The following CDH13 variants were observed in gnomAD, a reference collection of about 807,000 sequenced individuals.
CDH13 encodes cadherin-13.
CDH13 carries 24 observed loss-of-function variants against 63.8 expected under a neutral mutation model. That is an observed-to-expected ratio of 0.38 (90% CI 0.27 to 0.53). CDH13 has a LOEUF of 0.53. CDH13 is among the 20% of genes least tolerant of loss of function. CDH13 has a pLI of 0.85. For synonymous variants in CDH13, 503 were observed against 355.3 expected (o/e 1.42, Z -4.67); for missense variants, 1,049 against 903.1 (o/e 1.16, Z -2.07).
chr16:82,802,459 G>C (rs1336153241), intron 1 of CDH13, among the ~76,000 whole-genome samples: 1 of 152,142 alleles, frequency 6.6e-6, no homozygotes, highest in Non-Finnish European at 1.5e-5. Flanking sequence ...GTGATCTGTT[G>C]AGAGATTCAG....
chr16:83,558,634 T>C (rs563263610), intron 7 of CDH13, among the ~76,000 whole-genome samples: 2 of 152,350 alleles, frequency 1.3e-5, no homozygotes, highest in African/African-American at 4.8e-5. Context: ...AGTGGAACTT[T>C]TTTTCCCTTT....
intron 1 of CDH13, among the ~76,000 whole-genome samples, chr16:82,656,669 T>C (rs1911331418): frequency 6.6e-6 from 1 of 152,210 alleles, no homozygotes; most frequent in South Asian, 2.1e-4. Flanking sequence ...TAAATTCATG[T>C]ATCCACCATT....
chr16:83,050,163 A>C lies in CDH13; in HGVS notation c.366+17945A>C, dbSNP rs530503096. 1.6e-4 allele frequency among the ~76,000 whole-genome samples: 24 copies of C among 152,210 alleles called. 1 individual carries two copies. The South Asian group carries it at 3.5e-3, about 22-fold the overall frequency. On this transcript the variant is annotated intron_variant, in intron 3 of 13. Coordinates refer to ENST00000567109, the MANE Select transcript of CDH13 (RefSeq NM_001257.5). ...TTAAAAAAAACCCTGCTTATTGACC[A>C]CAGCAGCCAGACCCGGGCCTCCTTC... is the stretch of plus-strand genomic sequence containing the variant.
intron 3 of CDH13, among the ~76,000 whole-genome samples, chr16:83,120,130 G>C (rs4632117): frequency 0.78 from 119,134 of 151,888 alleles, 46,907 homozygotes; most frequent in Admixed American, 0.84. Flanking sequence ...AGCAGCCCCC[G>C]AACCCTGTCC....
Position 83,204,070 on chromosome 16 carries a change from G to T in CDH13, c.484-13275G>T, listed in dbSNP as rs980026013. On this transcript the variant is annotated intron_variant, in intron 4 of 13. Coordinates refer to ENST00000567109, the MANE Select transcript of CDH13 (RefSeq NM_001257.5). The stretch of plus-strand genomic sequence containing the variant: ...CTCGTCCTGGCTCTGCCACTGACAT[G>T]GGCCTGAGATGAATGTTCCTGGGCC... Among the ~76,000 whole-genome samples the T allele has an allele frequency of 2.0e-5, 3 of 152,196 alleles. No homozygotes were observed. In the South Asian group the frequency reaches 6.2e-4, roughly 32 times the overall value.
intron 1 of CDH13, among the ~76,000 whole-genome samples, chr16:82,694,336 G>A (rs553874143): frequency 1.4e-4 from 21 of 152,170 alleles, no homozygotes; most frequent in Non-Finnish European, 2.6e-4. Context: ...GCAGACTTTG[G>A]TATTTCACCA....
intron 5 of CDH13, among the ~76,000 whole-genome samples, chr16:83,243,417 T>C (rs956922242): frequency 3.3e-5 from 5 of 152,076 alleles, no homozygotes; most frequent in African/African-American, 7.2e-5. Flanking sequence ...ATGAGACTTA[T>C]TAACTATCAT....
intron 5 of CDH13, among the ~76,000 whole-genome samples, chr16:83,318,896 G>A (rs1258875383): frequency 6.6e-6 from 1 of 151,664 alleles, no homozygotes; most frequent in East Asian, 1.9e-4. Context: ...TCAGAGATAG[G>A]GAAGACCTTG....
chr16:82,810,658 C>T (rs980178511), intron 1 of CDH13, among the ~76,000 whole-genome samples: 4 of 152,086 alleles, frequency 2.6e-5, no homozygotes, highest in African/African-American at 9.7e-5. Context: ...CATGGCTGGT[C>T]AAGGGATTAC....
intron 4 of CDH13, among the ~76,000 whole-genome samples, chr16:83,215,533 T>G (rs1329508833): frequency 6.7e-6 from 1 of 150,208 alleles, no homozygotes; most frequent in African/African-American, 2.4e-5. Context: ...CCTTGAGTGA[T>G]CCTGCCAGAT....
At chr16:83,751,348 A>C (rs1406446425) in intron 11 of CDH13, among the ~76,000 whole-genome samples, 1 of 152,182 alleles carries the variant, frequency 6.6e-6, no homozygotes, top group Non-Finnish European at 1.5e-5. Flanking sequence ...CAATGTCAGC[A>C]CTTTGGGAGG....
intron 6 of CDH13, among the ~76,000 whole-genome samples, chr16:83,400,681 T>C (rs899835594): frequency 3.4e-4 from 52 of 152,298 alleles, no homozygotes; most frequent in African/African-American, 1.2e-3. Context: ...TTGTGATAGA[T>C]CCCTGAAAAC....
chr16:82,863,187 C>T (rs1008153096), intron 2 of CDH13, among the ~76,000 whole-genome samples: 2 of 152,116 alleles, frequency 1.3e-5, no homozygotes, highest in African/African-American at 4.8e-5. Context: ...CACAAAGGAG[C>T]CAGCTGTCTT....
intron 1 of CDH13, among the ~76,000 whole-genome samples, chr16:82,715,034 A>T (rs1395356201): frequency 6.9e-6 from 1 of 144,590 alleles, no homozygotes; most frequent in Non-Finnish European, 1.5e-5. Context: ...AACTCTTTCC[A>T]CTATGTCTAG....
intron 1 of CDH13, among the ~76,000 whole-genome samples, chr16:82,767,612 T>C (rs2035103933): frequency 6.6e-6 from 1 of 152,166 alleles, no homozygotes; most frequent in Non-Finnish European, 1.5e-5. Context: ...CATAGTGCCT[T>C]TGTTCATGTT....
intron 1 of CDH13, among the ~76,000 whole-genome samples, chr16:82,762,816 A>G (rs949200554): frequency 1.3e-5 from 2 of 152,182 alleles, no homozygotes; most frequent in Non-Finnish European, 2.9e-5. Context: ...TTTCTCATCA[A>G]CAGATTCTCA....
chr16:82,885,046 T>G (rs1559312), intron 2 of CDH13, among the ~76,000 whole-genome samples: 114,474 of 152,032 alleles, frequency 0.75, 43,341 homozygotes, highest in East Asian at 0.89. Flanking sequence ...CTGTGTATTC[T>G]AATTTTTCTT....
chr16:83,457,954 T>A (rs945852577), intron 6 of CDH13, among the ~76,000 whole-genome samples: 1 of 152,234 alleles, frequency 6.6e-6, no homozygotes, highest in African/African-American at 2.4e-5. Flanking sequence ...TACGCAGTGA[T>A]GCTGGTAAAG....
chr16:83,667,191 C>T (rs1914068098), intron 8 of CDH13, among the ~76,000 whole-genome samples: 1 of 152,010 alleles, frequency 6.6e-6, no homozygotes, highest in Admixed American at 6.6e-5. Flanking sequence ...CATATGAGGG[C>T]CACAATGCAC....
Sources: allele counts gnomAD v4.1 joint callset (sites outside exome capture counted in the v4.1 genomes callset), GRCh38; gene constraint gnomAD v4.1.1; transcripts MANE v1.5; gene names NCBI Gene and HGNC (gene_info 2026-07-23, HGNC 2026-07-21).